Variants in PLD1 observed in about 807,000 individuals in gnomAD.
The protein encoded by PLD1 is choline phosphatase 1.
A neutral mutation model predicts 137.1 loss-of-function variants in PLD1; 112 were observed. The observed-to-expected ratio is 0.82, with a 90% confidence interval of 0.70 to 0.96. The LOEUF (loss-of-function observed/expected upper bound fraction) is 0.96, where lower values mean the gene tolerates loss of function less well. Ranked by LOEUF, PLD1 falls within the 40% of genes least tolerant of loss-of-function variation. The pLI is 0.00. For synonymous variants in PLD1, 431 were observed against 454.7 expected (o/e 0.95, Z 0.66); for missense variants, 1,321 against 1,342.0 (o/e 0.98, Z 0.24).
chr3:171,808,521 G>A (rs1006073882), intron 1 of PLD1, among the ~76,000 whole-genome samples: 15 of 152,092 alleles, frequency 9.9e-5, no homozygotes, highest in Non-Finnish European at 1.6e-4. Context: ...GGGCGACAGA[G>A]CGAGACTCCG....
intron 1 of PLD1, among the ~76,000 whole-genome samples, chr3:171,764,878 A>AGGAAGGAAGGAAGGAAGGAAG (rs1491270656): frequency 4.7e-5 from 1 of 21,238 alleles, no homozygotes; most frequent in African/African-American, 1.9e-4. Context: ...AAAGAAAGAA[A>AGGAAGGAAGGAAGGAAGGAAG]GAAAGAAAGA....
At chr3:171,738,235 G>A (rs544848552) in intron 1 of PLD1, among the ~76,000 whole-genome samples, 153 bp from the exon 2 acceptor site, 2 of 151,104 alleles carry the variant, frequency 1.3e-5, no homozygotes, top group East Asian at 1.9e-4. Context: ...TTTAGTTTAC[G>A]TTCCTGTTTA....
intron 23 of PLD1, among the ~76,000 whole-genome samples, chr3:171,631,540 A>AT (rs1312149381): frequency 2.0e-5 from 3 of 152,132 alleles, no homozygotes; most frequent in Non-Finnish European, 4.4e-5. Flanking sequence ...TATAAATACC[A>AT]TTTTTCGCTA....
chr3:171,610,650 T>C (rs1472843044), intron 25 of PLD1, among the ~76,000 whole-genome samples: 1 of 152,198 alleles, frequency 6.6e-6, no homozygotes, highest in Non-Finnish European at 1.5e-5. Flanking sequence ...TAACATACAT[T>C]CCAGCTTACA....
intron 1 of PLD1, among the ~76,000 whole-genome samples, chr3:171,761,041 A>C (rs1469324049): frequency 2.0e-5 from 3 of 152,238 alleles, no homozygotes; most frequent in Non-Finnish European, 4.4e-5. Context: ...AAAAGAGACA[A>C]AATTTAATAA....
At position 171,607,454 on chromosome 3, in the gene PLD1, G is replaced by T. The variant is rs562578096; in HGVS notation, c.2883-2038C>A. 4.6e-5 allele frequency among the ~76,000 whole-genome samples: 7 copies of T among 152,128 alleles called. No homozygotes were observed. The South Asian group carries it at 1.5e-3, about 32-fold the overall frequency. On this transcript the variant is annotated intron_variant, in intron 25 of 26. Coordinates refer to ENST00000351298, the MANE Select transcript of PLD1 (RefSeq NM_002662.5). Reference sequence around the variant, plus strand: ...ACTATCAGGTAAGGGCTTGTTTGTAGAAAAAGTATTTAAATAAGTCTAAAA... The same window carrying T: ...ACTATCAGGTAAGGGCTTGTTTGTATAAAAAGTATTTAAATAAGTCTAAAA...
rs193107278 is a variant in PLD1, at chr3:171,669,355, A to T, written c.2229+5145T>A. ...TGGCATAAAAATTTCTATCTAGAAC[A>T]AGCTTGGTGACCTACCCAGAGAAAT... On this transcript the variant is annotated intron_variant, in intron 19 of 26. Transcript: ENST00000351298. 4.7e-3 allele frequency among the ~76,000 whole-genome samples: 711 copies of T among 152,342 alleles called. 3 individuals carry two copies. Among genetic ancestry groups the T allele is most frequent in the African/African-American group, 0.017 (687 of 41,576 alleles).
intron 1 of PLD1, among the ~76,000 whole-genome samples, chr3:171,806,639 T>G (rs918115871): frequency 6.6e-6 from 1 of 152,232 alleles, no homozygotes; most frequent in South Asian, 2.1e-4. Flanking sequence ...ATATCTTATG[T>G]GTTGGGTCCC....
At chr3:171,803,520 G>T (rs930794218) in intron 1 of PLD1, among the ~76,000 whole-genome samples, 1 of 152,184 alleles carries the variant, frequency 6.6e-6, no homozygotes, top group African/African-American at 2.4e-5. Flanking sequence ...AGGATCACTA[G>T]GTCAGGAGTT....
chr3:171,767,759 C>T (rs1401243579), intron 1 of PLD1, among the ~76,000 whole-genome samples: 2 of 152,022 alleles, frequency 1.3e-5, no homozygotes, highest in African/African-American at 2.4e-5. Context: ...TAGAACAGGC[C>T]GGGCATGTTT....
chr3:171,624,454 T>C (rs569675798), intron 23 of PLD1, among the ~76,000 whole-genome samples: 132 of 152,184 alleles, frequency 8.7e-4, no homozygotes, highest in African/African-American at 3.0e-3. Flanking sequence ...TTTTGAAGGG[T>C]CATTTAGCAA....
chr3:171,774,991 C>T (rs547119488), intron 1 of PLD1, among the ~76,000 whole-genome samples: 1 of 152,162 alleles, frequency 6.6e-6, no homozygotes, highest in Non-Finnish European at 1.5e-5. Flanking sequence ...GAAGGAGCAG[C>T]TGCAGCTGGG....
chr3:171,704,878 C>G (rs9832053), intron 11 of PLD1, among the ~76,000 whole-genome samples: 2,217 of 152,266 alleles, frequency 0.015, 51 homozygotes, highest in African/African-American at 0.047. Context: ...AACTGTTGCA[C>G]CTCAGATAGG....
At chr3:171,604,317 T>TTA (rs1732035739) in intron 26 of PLD1, among the ~76,000 whole-genome samples, 2 of 118,604 alleles carry the variant, frequency 1.7e-5, no homozygotes, top group African/African-American at 6.0e-5. Context: ...CCATGTCAAT[T>TTA]AAAAAAAAAA....
chr3:171,688,711 G>A lies in PLD1; in HGVS notation c.1504C>T (p.Arg502Trp), dbSNP rs80085541. 1.6e-4 allele frequency: 251 copies of A among 1,614,014 alleles called. No individual in the cohort carries two copies. Among genetic ancestry groups the A allele is most frequent in the East Asian group, 3.8e-4 (17 of 44,872 alleles). Residue 502 changes from arginine (R) to tryptophan (W), a missense_variant, in exon 14 of 27, where the codon CGG (arginine) becomes TGG (tryptophan). By Grantham distance (101) the Arg-to-Trp change is moderately radical. Transcript: ENST00000351298. Reference protein sequence around the residue: ...HRLTDVGSVKRVTSGPSLGSL... With the variant: ...HRLTDVGSVKWVTSGPSLGSL... The stretch of plus-strand genomic sequence containing the variant: ...CCCAGAGACGGTCCTGAAGTGACCC[G>A]CTTCACACTGCCCACGTCTGTGAGT...
At chr3:171,808,186 T>C (rs1723933314) in intron 1 of PLD1, among the ~76,000 whole-genome samples, 1 of 151,898 alleles carries the variant, frequency 6.6e-6, no homozygotes, top group Admixed American at 6.6e-5. Flanking sequence ...TGTATGTCCA[T>C]GTAACAAACC....
intron 1 of PLD1, among the ~76,000 whole-genome samples, chr3:171,807,799 A>G (rs1259830871): frequency 1.3e-5 from 2 of 152,244 alleles, no homozygotes; most frequent in Non-Finnish European, 2.9e-5. Flanking sequence ...ACTAGTCACA[A>G]TAGCAAAGAC....
rs200560558 is a variant in PLD1 at position 171,713,926 on chromosome 3, G to A, written c.878C>T (p.Thr293Met). The change falls in exon 9 of 27, where the codon ACG becomes ATG. Residue 293 changes from threonine (T) to methionine (M), a missense_variant. Physicochemically the swap from Thr to Met is moderately conservative, Grantham distance 81. Transcript: ENST00000351298. Reference protein sequence around the residue: ...KIKVGKKETETKYGIRIDNLS... With the variant: ...KIKVGKKETEMKYGIRIDNLS... ...ATTATCAATTCGGATTCCATATTTC[G>A]TTTCTGTCTCCTTCTTCCCCACCTT... is the stretch of plus-strand genomic sequence containing the variant. 42 of 1,612,788 alleles carry A rather than the reference G, an allele frequency of 2.6e-5. No homozygotes were observed. Among genetic ancestry groups the A allele is most frequent in the East Asian group, 8.9e-5 (4 of 44,828 alleles).
At chr3:171,647,570 C>T (rs1736358398) in intron 21 of PLD1, among the ~76,000 whole-genome samples, 1 of 151,958 alleles carries the variant, frequency 6.6e-6, no homozygotes, top group African/African-American at 2.4e-5. Context: ...CTGCCTCAGC[C>T]TCTTGAGTAG....
Sources: allele counts gnomAD v4.1 joint callset (sites outside exome capture counted in the v4.1 genomes callset), GRCh38; gene constraint gnomAD v4.1.1; transcripts MANE v1.5; gene names NCBI Gene and HGNC (gene_info 2026-07-23, HGNC 2026-07-21).